Variants in ZSWIM4 observed in about 807,000 individuals in gnomAD.
The protein encoded by ZSWIM4 is zinc finger SWIM domain-containing protein 4.
Under a neutral mutation model 102.5 loss-of-function variants are expected in ZSWIM4, and 62 were observed. The observed-to-expected ratio is 0.60, with a 90% CI of 0.49 to 0.75. ZSWIM4 has a LOEUF of 0.75. ZSWIM4 is among the 30% of genes least tolerant of loss of function. The probability of loss-of-function intolerance (pLI) is 0.00; values close to 1 mark genes in which losing one functional copy is unlikely to be tolerated. For missense variants in ZSWIM4, 1,280 were observed against 1,529.6 expected (o/e 0.84, Z 2.72); for synonymous variants, 652 against 674.5 (o/e 0.97, Z 0.52).
chr19:13,795,841 C>G (rs1238340483), intron 1 of ZSWIM4, 40 bp downstream of exon 1: 2 of 1,185,470 alleles, frequency 1.7e-6, no homozygotes, highest in African/African-American at 3.2e-5. Context: ...GGACGCACCC[C>G]CAGCACCTTC....
intron 9 of ZSWIM4, 92 bp downstream of exon 9, chr19:13,818,068 C>A: frequency 7.0e-7 from 1 of 1,420,328 alleles, no homozygotes; most frequent in South Asian, 1.5e-5. Flanking sequence ...ATGGGAGGCC[C>A]CGCCCCAGCC....
rs1975583002 is a variant in ZSWIM4 at position 13,825,564 on chromosome 19, C to T, written c.2230C>T (p.Leu744=). The change falls in exon 12 of 14, where the codon CTG becomes TTG. Residue 744 remains leucine, a synonymous_variant. Coordinates refer to ENST00000590508, the MANE Select transcript of ZSWIM4 (RefSeq NM_001367834.3). The surrounding 1 kb of genome is among the most constrained non-coding windows in gnomAD (Gnocchi z 4.6). ...CCTTCACCCAGGAGACCCCAAGTGG[C>T]TGCACACGGTACTGGGCTCCATCCA... ...LTAAKGDPKW[L]HTVLGSIQQN... 1 of 1,614,068 alleles carries T rather than the reference C, an allele frequency of 6.2e-7. No individual in the cohort carries two copies. Among genetic ancestry groups the T allele is most frequent in the South Asian group, 1.1e-5 (1 of 91,078 alleles).
chr19:13,820,111 G>A (rs914629344), intron 10 of ZSWIM4, among the ~76,000 whole-genome samples: 2 of 151,906 alleles, frequency 1.3e-5, no homozygotes, highest in African/African-American at 4.8e-5. Context: ...TGTTGCCCAT[G>A]TTGTCTCGAA....
At chr19:13,819,846 T>C (rs1975414532) in intron 10 of ZSWIM4, among the ~76,000 whole-genome samples, 1 of 148,514 alleles carries the variant, frequency 6.7e-6, no homozygotes, top group Non-Finnish European at 1.5e-5. Context: ...TTTTGTTTTT[T>C]GTTTTTTTTT....
rs1439068113 is a variant in ZSWIM4, at chr19:13,830,877, C to T, written c.3148C>T (p.His1050Tyr). 9.9e-6 allele frequency: 16 copies of T among 1,614,016 alleles called. No homozygotes were observed. The highest frequency in any genetic ancestry group is 1.7e-5 in the Admixed American group (1 of 59,978). ...CACCACCAGCCACTCGCGCCTCACGCACATCAGCCCGCGGCACTATGGGGA... is the reference window on the plus strand; with the variant it reads ...CACCACCAGCCACTCGCGCCTCACGTACATCAGCCCGCGGCACTATGGGGA... Reference protein sequence around the residue: ...YITTSHSRLTHISPRHYGDFI... With the variant: ...YITTSHSRLTYISPRHYGDFI... Residue 1050 changes from histidine to tyrosine, a missense_variant, in exon 14 of 14, where the codon CAC (histidine) becomes TAC (tyrosine). Transcript: ENST00000590508.
At chr19:13,797,752 A>G (rs1197226237) in intron 1 of ZSWIM4, among the ~76,000 whole-genome samples, 1 of 152,182 alleles carries the variant, frequency 6.6e-6, no homozygotes, top group East Asian at 1.9e-4. Context: ...TCCTGGGTTC[A>G]AGCAATTCTC....
At chr19:13,830,027 T>C (rs993976346) in intron 13 of ZSWIM4, among the ~76,000 whole-genome samples, 164 bp from the exon 14 acceptor site, 1 of 152,214 alleles carries the variant, frequency 6.6e-6, no homozygotes, top group South Asian at 2.1e-4. Context: ...ACACACGTGA[T>C]TCCCACCTAG....
intron 13 of ZSWIM4, among the ~76,000 whole-genome samples, chr19:13,829,824 CAAA>C (rs1219626837): frequency 7.2e-6 from 1 of 138,684 alleles, no homozygotes. Flanking sequence ...GACTCCATCT[CAAA>C]AAAAAAAAAG....
chr19:13,819,553 G>A, intron 10 of ZSWIM4, 61 bp downstream of exon 10: 2 of 1,529,852 alleles, frequency 1.3e-6, no homozygotes, highest in South Asian at 1.2e-5. Flanking sequence ...GCGGGCATGG[G>A]GGGTAGCTCA....
At chr19:13,818,955 C>T (rs1002928003) in intron 9 of ZSWIM4, among the ~76,000 whole-genome samples, 30 of 151,814 alleles carry the variant, frequency 2.0e-4, no homozygotes, top group Non-Finnish European at 1.0e-4. Flanking sequence ...CCTCCGATCC[C>T]GGGTTCACGC....
rs766757487 is a variant in ZSWIM4, at chr19:13,830,910, G to A, written c.3181G>A (p.Glu1061Lys). The A allele has an allele frequency of 1.3e-5, 21 of 1,614,088 alleles. No homozygotes were observed. The highest frequency in any genetic ancestry group is 3.3e-5 in the Admixed American group (2 of 60,004). Residue 1061 changes from glutamate (E) to lysine (K), a missense_variant, in exon 14 of 14, where the codon GAA becomes AAA. Transcript: ENST00000590508. ...ISPRHYGDFI[E>K]FLGKARETFL... is the part of the protein sequence containing the mutation. ...CCCGCGGCACTATGGGGATTTCATC[G>A]AATTCCTGGGCAAGGCCCGGGAGAC...
chr19:13,826,249 G>A (rs191670741), intron 12 of ZSWIM4, among the ~76,000 whole-genome samples: 2 of 152,120 alleles, frequency 1.3e-5, no homozygotes, highest in African/African-American at 4.8e-5. Context: ...GATCGCAAGC[G>A]GAGCCTGGGG....
chr19:13,820,192 C>T (rs1189831927), intron 10 of ZSWIM4, among the ~76,000 whole-genome samples: 4 of 152,074 alleles, frequency 2.6e-5, no homozygotes, highest in Admixed American at 2.6e-4. Flanking sequence ...CCACCTCGCA[C>T]AGCCGTGCTT....
rs1379230213 is a variant in ZSWIM4 at position 13,825,727 on chromosome 19, G to A, written c.2379+14G>A. ...CTGGGGCTGCAGGTGAGGGCTGCCA[G>A]GTGGATGCGGGAGGGCGATGGTGGC... On this transcript the variant is annotated intron_variant, in intron 12 of 13. Coordinates refer to ENST00000590508, the MANE Select transcript of ZSWIM4 (RefSeq NM_001367834.3). The surrounding 1 kb of genome is among the most constrained non-coding windows in gnomAD (Gnocchi z 4.6). The A allele has an allele frequency of 1.9e-6, 3 of 1,600,948 alleles. No homozygotes were observed. The highest frequency in any genetic ancestry group is 2.5e-6 in the Non-Finnish European group (3 of 1,176,726).
At chr19:13,806,365 G>A (rs150447759) in intron 3 of ZSWIM4, among the ~76,000 whole-genome samples, 10 of 151,872 alleles carry the variant, frequency 6.6e-5, no homozygotes, top group East Asian at 2.0e-4. Context: ...TAACAATGCC[G>A]TTAGGTGAAT....
At chr19:13,822,928 G>A (rs760458384) in intron 10 of ZSWIM4, among the ~76,000 whole-genome samples, 14 of 151,492 alleles carry the variant, frequency 9.2e-5, no homozygotes, top group Middle Eastern at 3.4e-3. Flanking sequence ...GCAGTGAGCC[G>A]AGATTGCGCC....
chr19:13,799,617 C>G (rs1974700941), intron 1 of ZSWIM4, 103 bp from the exon 2 acceptor site: 1 of 1,125,494 alleles, frequency 8.9e-7, no homozygotes, highest in South Asian at 1.3e-5. Flanking sequence ...GTTGCCCAGG[C>G]TGGTCTCGAA....
rs531561719 is a variant in ZSWIM4 at position 13,812,623 on chromosome 19, C to G, written c.1013-374C>G. Reference sequence around the variant, plus strand: ...TACAGGCACCCACAATCATGCCTGGCTTTTTTTTTTTTTTTTTGGTATTTT... The same window carrying G: ...TACAGGCACCCACAATCATGCCTGGGTTTTTTTTTTTTTTTTTGGTATTTT... On this transcript the variant is annotated intron_variant, in intron 5 of 13. Coordinates refer to ENST00000590508, the MANE Select transcript of ZSWIM4 (RefSeq NM_001367834.3). 5.4e-5 allele frequency among the ~76,000 whole-genome samples: 7 copies of G among 130,394 alleles called. No individual in the cohort carries two copies. In the East Asian group the frequency reaches 1.5e-3, roughly 29 times the overall value. 85.5% of individuals were successfully genotyped at this position (130,394 alleles called of 152,430 possible).
chr19:13,831,150 C>G lies in ZSWIM4; in HGVS notation c.*100C>G. On this transcript the variant is annotated 3_prime_UTR_variant, in exon 14 of 14. Coordinates refer to ENST00000590508, the MANE Select transcript of ZSWIM4 (RefSeq NM_001367834.3). ...ACGTGGCATTTCAGTATTATTAAGT[C>G]AGGGAAGGAGCCCGGCTGGAGATGG... 2.1e-6 allele frequency: 3 copies of G among 1,456,852 alleles called. No homozygotes were observed. The highest frequency in any genetic ancestry group is 2.7e-6 in the Non-Finnish European group (3 of 1,098,170). The allele number at this position is 1,456,852 out of a possible 1,614,324, so 90.2% of individuals were successfully genotyped here.
Sources: allele counts gnomAD v4.1 joint callset (sites outside exome capture counted in the v4.1 genomes callset), GRCh38; gene constraint gnomAD v4.1.1; non-coding constraint Gnocchi (gnomAD v3.1); transcripts MANE v1.5; gene names NCBI Gene and HGNC (gene_info 2026-07-23, HGNC 2026-07-21).